GHR: variants seen among roughly 807,000 people sequenced by gnomAD.
The protein encoded by GHR is growth hormone receptor.
In GHR, 35 loss-of-function variants were observed where a neutral mutation model predicts 67.1. The observed-to-expected ratio is 0.52, with a 90% confidence interval of 0.40 to 0.69. The LOEUF (loss-of-function observed/expected upper bound fraction) is 0.69, where lower values mean the gene tolerates loss of function less well. Ranked by LOEUF, GHR falls within the 30% of genes least tolerant of loss-of-function variation. GHR has a pLI of 0.00. For synonymous variants in GHR, 272 were observed against 269.1 expected (o/e 1.01, Z -0.10); for missense variants, 792 against 764.6 (o/e 1.04, Z -0.42).
intron 1 of GHR, among the ~76,000 whole-genome samples, chr5:42,519,193 A>G (rs554927501): frequency 3.3e-5 from 5 of 152,338 alleles, no homozygotes; most frequent in African/African-American, 1.2e-4. Flanking sequence ...TTCTGGAAAT[A>G]TCTCCTTTGG....
At chr5:42,458,187 A>T (rs1351793089) in intron 1 of GHR, among the ~76,000 whole-genome samples, 1 of 152,224 alleles carries the variant, frequency 6.6e-6, no homozygotes, top group African/African-American at 2.4e-5. Context: ...TGTCTCTCTG[A>T]AACTGAGGCT....
intron 1 of GHR, among the ~76,000 whole-genome samples, chr5:42,534,220 A>T (rs532152375): frequency 1.6e-5 from 2 of 121,584 alleles, no homozygotes; most frequent in Non-Finnish European, 1.7e-5. Flanking sequence ...ATATGTATAT[A>T]TGTACATGTG....
At chr5:42,446,425 A>G (rs890350301) in intron 1 of GHR, among the ~76,000 whole-genome samples, 1 of 152,210 alleles carries the variant, frequency 6.6e-6, no homozygotes, top group Non-Finnish European at 1.5e-5. Flanking sequence ...AAGTGGCTAG[A>G]TCAGAGAATG....
intron 1 of GHR, chr5:42,467,680 G>A: frequency 6.3e-7 from 1 of 1,594,424 alleles, no homozygotes; most frequent in Non-Finnish European, 8.6e-7. Context: ...ATCGAGCTTT[G>A]CACTCTGAAT....
chr5:42,549,263 C>T (rs1748893101), intron 1 of GHR, among the ~76,000 whole-genome samples: 1 of 152,192 alleles, frequency 6.6e-6, no homozygotes, highest in African/African-American at 2.4e-5. Context: ...TTCACATGAG[C>T]TTTCAACAGA....
intron 1 of GHR, among the ~76,000 whole-genome samples, chr5:42,551,931 G>T (rs1163015292): frequency 6.6e-6 from 1 of 152,196 alleles, no homozygotes; most frequent in Non-Finnish European, 1.5e-5. Flanking sequence ...TTTCCAATGA[G>T]GGGAGCATGA....
At chr5:42,524,884 A>T (rs184046279) in intron 1 of GHR, among the ~76,000 whole-genome samples, 32 of 152,312 alleles carry the variant, frequency 2.1e-4, no homozygotes, top group African/African-American at 7.7e-4. Flanking sequence ...TCCATATGGT[A>T]TTGAGCCTGT....
At chr5:42,666,516 A>G (rs1456283056) in intron 3 of GHR, among the ~76,000 whole-genome samples, 1 of 152,184 alleles carries the variant, frequency 6.6e-6, no homozygotes, top group East Asian at 1.9e-4. Context: ...TGCATTTAGG[A>G]AAAAGATATT....
intron 1 of GHR, among the ~76,000 whole-genome samples, chr5:42,541,775 G>A (rs1748529392): frequency 1.3e-5 from 2 of 152,308 alleles, no homozygotes; most frequent in South Asian, 4.1e-4. Flanking sequence ...GAGAGGATTA[G>A]TTGATGGAGT....
chr5:42,667,689 G>A (rs1561212332), intron 3 of GHR, among the ~76,000 whole-genome samples: 1 of 152,190 alleles, frequency 6.6e-6, no homozygotes, highest in Non-Finnish European at 1.5e-5. Context: ...GGCATCTCAA[G>A]TTTTAATGCG....
At chr5:42,496,561 T>C (rs1746329202) in intron 1 of GHR, among the ~76,000 whole-genome samples, 1 of 152,100 alleles carries the variant, frequency 6.6e-6, no homozygotes, top group African/African-American at 2.4e-5. Context: ...GGGGCATCAT[T>C]GTTTGGCTTA....
At chr5:42,692,051 T>A (rs1184526334) in intron 4 of GHR, among the ~76,000 whole-genome samples, 1 of 152,104 alleles carries the variant, frequency 6.6e-6, no homozygotes, top group African/African-American at 2.4e-5. Context: ...TCAACCCCAC[T>A]TCAAAAATTA....
At chr5:42,484,922 G>T (rs947660970) in intron 1 of GHR, among the ~76,000 whole-genome samples, 3 of 152,168 alleles carry the variant, frequency 2.0e-5, no homozygotes, top group Admixed American at 6.5e-5. Flanking sequence ...TCAGGAGTAT[G>T]AAAAATGAAA....
At chr5:42,693,819 C>A (rs1757541790) in intron 4 of GHR, among the ~76,000 whole-genome samples, 1 of 152,206 alleles carries the variant, frequency 6.6e-6, no homozygotes, top group Admixed American at 6.5e-5. Flanking sequence ...TCTTCCACAA[C>A]CACAGATTAC....
At chr5:42,635,007 CAAAAAA>C (rs200793751) in intron 3 of GHR, among the ~76,000 whole-genome samples, 1 of 133,482 alleles carries the variant, frequency 7.5e-6, no homozygotes, top group African/African-American at 2.8e-5. Context: ...TTACCAAAAA[CAAAAAA>C]AAAAAAACTT....
chr5:42,433,936 C>T (rs751449362), intron 1 of GHR, among the ~76,000 whole-genome samples: 4 of 151,928 alleles, frequency 2.6e-5, no homozygotes, highest in African/African-American at 4.8e-5. Context: ...CATATAGGCT[C>T]ATCCCTTGGG....
intron 2 of GHR, among the ~76,000 whole-genome samples, chr5:42,585,767 A>G (rs1050351582): frequency 2.7e-5 from 4 of 148,182 alleles, no homozygotes; most frequent in African/African-American, 9.7e-5. Context: ...CTTATAAGAA[A>G]CTTAGAAAAA....
chr5:42,446,054 C>T (rs1743793604), intron 1 of GHR, among the ~76,000 whole-genome samples: 2 of 152,060 alleles, frequency 1.3e-5, no homozygotes, highest in African/African-American at 4.8e-5. Context: ...CAGGTTGGGG[C>T]AAAAGCAGCA....
At chr5:42,696,348 G>A (rs1757672157) in intron 5 of GHR, among the ~76,000 whole-genome samples, 2 of 152,242 alleles carry the variant, frequency 1.3e-5, no homozygotes, top group East Asian at 1.9e-4. Context: ...AGCTGCAAAG[G>A]TGGTGGCCAA....
Sources: allele counts gnomAD v4.1 joint callset (sites outside exome capture counted in the v4.1 genomes callset), GRCh38; gene constraint gnomAD v4.1.1; transcripts MANE v1.5; gene names NCBI Gene and HGNC (gene_info 2026-07-23, HGNC 2026-07-21).